INPP5D: variants seen among roughly 807,000 people sequenced by gnomAD.
INPP5D encodes phosphatidylinositol 3,4,5-trisphosphate 5-phosphatase 1.
INPP5D carries 33 observed loss-of-function variants against 122.9 expected under a neutral mutation model. That is an observed-to-expected ratio of 0.27 (90% CI 0.20 to 0.36). The LOEUF (loss-of-function observed/expected upper bound fraction) is 0.36. Ranked by LOEUF, INPP5D falls within the 10% of genes least tolerant of loss-of-function variation. The pLI, the probability that INPP5D is intolerant of heterozygous loss-of-function variation, is 1.00. For missense variants in INPP5D, 1,053 were observed against 1,412.7 expected (o/e 0.75, Z 4.08); for synonymous variants, 584 against 576.2 (o/e 1.01, Z -0.19).
intron 17 of INPP5D, 78 bp downstream of exon 17, chr2:233,171,230 A>T: frequency 6.5e-7 from 1 of 1,549,362 alleles, no homozygotes; most frequent in Non-Finnish European, 8.7e-7. Context: ...GTGAACAGAA[A>T]GTGTCTTCAT....
intron 20 of INPP5D, 46 bp downstream of exon 20, chr2:233,184,567 T>C: frequency 6.2e-7 from 1 of 1,606,846 alleles, no homozygotes; most frequent in East Asian, 2.2e-5. Flanking sequence ...GCCCGGAGCC[T>C]TCTTATAAAC....
At chr2:233,111,372 A>T (rs1033655985) in intron 2 of INPP5D, among the ~76,000 whole-genome samples, 1 of 152,204 alleles carries the variant, frequency 6.6e-6, no homozygotes, top group African/African-American at 2.4e-5. Flanking sequence ...ACACGCACAC[A>T]CACACATATA....
intron 2 of INPP5D, among the ~76,000 whole-genome samples, chr2:233,094,884 G>A (rs1043713690): frequency 1.3e-5 from 2 of 152,184 alleles, no homozygotes; most frequent in African/African-American, 2.4e-5. Context: ...ATCAACATCC[G>A]TAATGTCTGG....
chr2:233,103,953 T>C (rs10804385), intron 2 of INPP5D, among the ~76,000 whole-genome samples: 37,743 of 145,548 alleles, frequency 0.26, 9,011 homozygotes, highest in African/African-American at 0.65. Context: ...ATGATCCACC[T>C]GCCTCCGCCT....
Position 233,134,727 on chromosome 2 carries a change from G to A in INPP5D, c.665+4079G>A, listed in dbSNP as rs566923824. On this transcript the variant is annotated intron_variant, in intron 5 of 26. Coordinates refer to ENST00000445964, the MANE Select transcript of INPP5D (RefSeq NM_001017915.3). ...TGGAGACACGGAAAGGATTGCAAGTGGAATTTAAAATAAAAGATCAAAGGT... is the reference window on the plus strand; with the variant it reads ...TGGAGACACGGAAAGGATTGCAAGTAGAATTTAAAATAAAAGATCAAAGGT... Among the ~76,000 whole-genome samples, 6 of 152,134 alleles carry A rather than the reference G, an allele frequency of 3.9e-5. No homozygotes were observed. In the South Asian group the frequency reaches 1.2e-3, roughly 32 times the overall value.
At chr2:233,106,457 T>A (rs1227982902) in intron 2 of INPP5D, among the ~76,000 whole-genome samples, 2 of 152,256 alleles carry the variant, frequency 1.3e-5, no homozygotes, top group Non-Finnish European at 2.9e-5. Context: ...CTGGTGCTTT[T>A]GCCCACATTG....
chr2:233,071,515 A>G (rs6734548), intron 1 of INPP5D, among the ~76,000 whole-genome samples: 9,945 of 152,212 alleles, frequency 0.065, 385 homozygotes, highest in Middle Eastern at 0.13. Context: ...ATTTTATTTT[A>G]GGTGATTTTC....
At chr2:233,172,296 C>T (rs983694289) in intron 17 of INPP5D, among the ~76,000 whole-genome samples, 10 of 152,148 alleles carry the variant, frequency 6.6e-5, no homozygotes, top group Admixed American at 3.3e-4. Context: ...AGTGGCCGGT[C>T]CTAGATGCCA....
chr2:233,184,198 T>C (rs1432833155), intron 19 of INPP5D, among the ~76,000 whole-genome samples: 2 of 152,130 alleles, frequency 1.3e-5, no homozygotes, highest in Non-Finnish European at 2.9e-5. Context: ...TCTGCCCCGC[T>C]CTCTGCCCTG....
intron 18 of INPP5D, among the ~76,000 whole-genome samples, chr2:233,180,559 T>G (rs902358759): frequency 6.6e-6 from 1 of 152,146 alleles, no homozygotes; most frequent in African/African-American, 2.4e-5. Flanking sequence ...TTTTGTTTTT[T>G]GAGACAATCT....
chr2:233,067,368 A>G (rs1691259052), intron 1 of INPP5D, among the ~76,000 whole-genome samples: 1 of 152,216 alleles, frequency 6.6e-6, no homozygotes, highest in Admixed American at 6.5e-5. Context: ...GTGTTGTGGC[A>G]TGAATCACTC....
chr2:233,122,340 G>T, intron 3 of INPP5D, 83 bp downstream of exon 3: 1 of 1,419,914 alleles, frequency 7.0e-7, no homozygotes, highest in Non-Finnish European at 9.6e-7. Context: ...GACTAGGTGA[G>T]TCCTATTATC....
At chr2:233,120,420 GCTGCAGTGAGCCGAGACTGTGCCA>G in intron 2 of INPP5D, among the ~76,000 whole-genome samples, 1 of 152,324 alleles carries the variant, frequency 6.6e-6, no homozygotes, top group South Asian at 2.1e-4. Flanking sequence ...GGAGGTGGAG[GCTGCAGTGAGCCGAGACTGTGCCA>G]CTGCACTCCA....
chr2:233,191,486 G>C (rs931150565), intron 22 of INPP5D, among the ~76,000 whole-genome samples: 1 of 152,210 alleles, frequency 6.6e-6, no homozygotes, highest in African/African-American at 2.4e-5. Context: ...CACTGGGTTA[G>C]ATGCAGTGCC....
chr2:233,107,791 C>A (rs1439064926), intron 2 of INPP5D, among the ~76,000 whole-genome samples: 1 of 152,100 alleles, frequency 6.6e-6, no homozygotes, highest in East Asian at 1.9e-4. Flanking sequence ...GATGTCCCTG[C>A]TGGCCCCAGC....
intron 2 of INPP5D, among the ~76,000 whole-genome samples, chr2:233,113,388 TA>T (rs996970270): frequency 6.6e-6 from 1 of 151,834 alleles, no homozygotes; most frequent in Non-Finnish European, 1.5e-5. Context: ...AAAATGTTTT[TA>T]AAAAAAGAGA....
At chr2:233,163,953 T>G (rs765076906) in intron 12 of INPP5D, 50 bp downstream of exon 12, 2 of 1,591,164 alleles carry the variant, frequency 1.3e-6, no homozygotes, top group East Asian at 2.3e-5. Flanking sequence ...GAATCTTTGC[T>G]CGGCTGGGCT....
At chr2:233,130,873 G>A (rs1693304705) in intron 5 of INPP5D, 1 of 684,306 alleles carries the variant, frequency 1.5e-6, no homozygotes. Flanking sequence ...TACAACTAAA[G>A]TTAATTGGAG....
At chr2:233,080,592 C>T (rs1442865783) in intron 2 of INPP5D, among the ~76,000 whole-genome samples, 3 of 152,024 alleles carry the variant, frequency 2.0e-5, no homozygotes, top group Non-Finnish European at 2.9e-5. Context: ...AGAGCAATGA[C>T]GGCGTTGGAG....
Sources: gnomAD v4.1 joint callset for allele counts (sites outside exome capture counted in the v4.1 genomes callset) on GRCh38, gnomAD v4.1.1 for gene constraint, MANE v1.5 for transcripts, NCBI Gene and HGNC (gene_info 2026-07-23, HGNC 2026-07-21) for gene names.